The following SLC5A4 variants were observed in gnomAD, a reference collection of about 807,000 sequenced individuals.
SLC5A4 encodes the protein probable glucose sensor protein SLC5A4.
Under a neutral mutation model 70.3 loss-of-function variants are expected in SLC5A4, and 55 were observed. That is an observed-to-expected ratio of 0.78 (90% CI 0.63 to 0.98). The LOEUF is 0.98. SLC5A4 is among the 50% of genes least tolerant of loss of function. The probability of loss-of-function intolerance (pLI) is 0.00; values close to 1 mark genes in which losing one functional copy is unlikely to be tolerated. For missense variants in SLC5A4, 735 were observed against 839.2 expected (o/e 0.88, Z 1.53); for synonymous variants, 268 against 305.7 (o/e 0.88, Z 1.29).
At chr22:32,341,345 G>C in the SLC5A4 span, among the ~76,000 whole-genome samples, 1 of 152,194 alleles carries the variant, frequency 6.6e-6, no homozygotes, top group African/African-American at 2.4e-5. Context: ...AAGGGCGGCC[G>C]TGAGGGGCCA....
chr22:32,318,702 AGC>A, the SLC5A4 span, among the ~76,000 whole-genome samples: 2 of 152,192 alleles, frequency 1.3e-5, no homozygotes, highest in Admixed American at 6.5e-5. Flanking sequence ...TCAACACAGC[AGC>A]CAGAGAAGCC....
Position 32,242,846 on chromosome 22 carries a change from T to G in SLC5A4, c.478-3756A>C, listed in dbSNP as rs543273222. 2.6e-4 allele frequency among the ~76,000 whole-genome samples: 39 copies of G among 152,334 alleles called. No homozygotes were observed. The East Asian group carries it at 7.3e-3, about 29-fold the overall frequency. ...CCTCAGTAGCCTGCTGAATGCTGTC[T>G]GGGAACTGTGGAAGGAGTGCTAGGA... is the stretch of plus-strand genomic sequence containing the variant. On this transcript the variant is annotated intron_variant, in intron 5 of 14. Transcript: ENST00000266086.
chr22:32,240,105 A>G (rs1437249675), intron 5 of SLC5A4, among the ~76,000 whole-genome samples: 1 of 151,794 alleles, frequency 6.6e-6, no homozygotes, highest in Non-Finnish European at 1.5e-5. Flanking sequence ...TTCCAAATAG[A>G]TATGTGCTAC....
chr22:32,350,081 A>C, the SLC5A4 span, among the ~76,000 whole-genome samples: 2 of 152,180 alleles, frequency 1.3e-5, no homozygotes, highest in Non-Finnish European at 2.9e-5. Context: ...TTGGGGGTCC[A>C]TGAGGAAAAC....
chr22:32,319,498 G>A, the SLC5A4 span, among the ~76,000 whole-genome samples: 7,463 of 152,238 alleles, frequency 0.049, 355 homozygotes, highest in Admixed American at 0.15. Flanking sequence ...TCACATCATC[G>A]GCTCTTTTGG....
chr22:32,294,524 C>T, the SLC5A4 span, among the ~76,000 whole-genome samples: 2 of 152,064 alleles, frequency 1.3e-5, no homozygotes, highest in Middle Eastern at 3.2e-3. Flanking sequence ...AAGGATCCCT[C>T]CTGTGGCTCT....
At chr22:32,326,048 G>T in the SLC5A4 span, among the ~76,000 whole-genome samples, 5 of 152,222 alleles carry the variant, frequency 3.3e-5, no homozygotes, top group African/African-American at 1.2e-4. Flanking sequence ...TAAGTGGGAA[G>T]GTAACAGAGC....
the SLC5A4 span, chr22:32,277,169 A>T: frequency 2.6e-5 from 4 of 152,152 alleles, no homozygotes; most frequent in Admixed American, 2.0e-4. Flanking sequence ...AATCAACTAC[A>T]CATCCCTTTA....
chr22:32,347,109 C>G, the SLC5A4 span, among the ~76,000 whole-genome samples: 1 of 152,216 alleles, frequency 6.6e-6, no homozygotes, highest in Non-Finnish European at 1.5e-5. Context: ...AAAAAATGCT[C>G]ATCATCACTG....
the SLC5A4 span, among the ~76,000 whole-genome samples, chr22:32,301,933 C>A: frequency 6.6e-6 from 1 of 151,868 alleles, no homozygotes; most frequent in African/African-American, 2.4e-5. Flanking sequence ...TGGATATCCA[C>A]ATGAAAAAGA....
rs113623875 is a variant in SLC5A4, at chr22:32,235,065, G to C, written c.693C>G (p.Ser231Arg). 60 of 1,613,704 alleles carry C rather than the reference G, an allele frequency of 3.7e-5. 1 individual carries two copies. In the African/African-American group the frequency reaches 5.9e-4, roughly 16 times the overall value. The change falls in exon 8 of 15, where the codon AGC becomes AGG. Residue 231 changes from serine to arginine, a missense_variant. Ser to Arg is a moderately radical substitution (Grantham distance 110). Coordinates refer to ENST00000266086, the MANE Select transcript of SLC5A4 (RefSeq NM_014227.3). ...TGGCATTCACGTACTTCTCGGTAAA[G>C]CTCTCATAACCTCCAACTTCGTTAA... ...FAFNEVGGYE[S>R]FTEKYVNATP...
chr22:32,310,354 C>T, the SLC5A4 span, among the ~76,000 whole-genome samples: 37 of 152,268 alleles, frequency 2.4e-4, no homozygotes, highest in Admixed American at 4.6e-4. Flanking sequence ...CCTGAGGTCC[C>T]GCTGCTCTCA....
At chr22:32,350,277 G>A in the SLC5A4 span, among the ~76,000 whole-genome samples, 17 of 152,238 alleles carry the variant, frequency 1.1e-4, no homozygotes, top group South Asian at 2.3e-3. Flanking sequence ...AGATGGATAC[G>A]CGGAAGTGCC....
the SLC5A4 span, among the ~76,000 whole-genome samples, chr22:32,330,590 G>T: frequency 1.0e-4 from 14 of 133,370 alleles, no homozygotes; most frequent in African/African-American, 3.7e-4. Context: ...TGTGGTGTGT[G>T]TGTGTGTGTA....
the SLC5A4 span, among the ~76,000 whole-genome samples, chr22:32,280,308 T>G: frequency 2.1e-3 from 314 of 152,194 alleles, 4 homozygotes; most frequent in African/African-American, 7.1e-3. Context: ...TGAGCCACCG[T>G]GCCCAGCCCT....
rs748464500 is a variant in SLC5A4, at chr22:32,229,193, C to T, written c.1280+1G>A. ...CTAGGTGGGAACCAGGGTTCACTCACCGTCCAGCTATCAGGAGCTCTTTCT... is the reference window on the plus strand; with the variant it reads ...CTAGGTGGGAACCAGGGTTCACTCATCGTCCAGCTATCAGGAGCTCTTTCT... On this transcript the variant is annotated splice_donor_variant, in intron 11 of 14. Coordinates refer to ENST00000266086, the MANE Select transcript of SLC5A4 (RefSeq NM_014227.3). LOFTEE classifies it high-confidence loss of function. The T allele has an allele frequency of 6.8e-6, 11 of 1,613,272 alleles. No homozygotes were observed. Among genetic ancestry groups the T allele is most frequent in the Non-Finnish European group, 8.5e-6 (10 of 1,179,418 alleles).
chr22:32,280,550 G>C, the SLC5A4 span, among the ~76,000 whole-genome samples: 4 of 152,134 alleles, frequency 2.6e-5, no homozygotes, highest in Non-Finnish European at 5.9e-5. Flanking sequence ...TGCTAAGCAC[G>C]AGCTGGACTC....
chr22:32,303,179 G>A, the SLC5A4 span, among the ~76,000 whole-genome samples: 3 of 152,156 alleles, frequency 2.0e-5, no homozygotes, highest in South Asian at 2.1e-4. Context: ...AGATCCTCAC[G>A]ACACGTGTCC....
intron 5 of SLC5A4, among the ~76,000 whole-genome samples, chr22:32,240,599 T>A (rs1022012118): frequency 6.6e-6 from 1 of 152,196 alleles, no homozygotes; most frequent in Non-Finnish European, 1.5e-5. Context: ...AAGAGACAAA[T>A]TGCGTAACAT....
Sources: allele counts gnomAD v4.1 joint callset (sites outside exome capture counted in the v4.1 genomes callset), GRCh38; gene constraint gnomAD v4.1.1; transcripts MANE v1.5; gene names NCBI Gene and HGNC (gene_info 2026-07-23, HGNC 2026-07-21).